ZFYVE9: variants seen among roughly 807,000 people sequenced by gnomAD.
The protein encoded by ZFYVE9 is zinc finger FYVE-type containing 9.
In ZFYVE9, 43 loss-of-function variants were observed where a neutral mutation model predicts 126.7. That is an observed-to-expected ratio of 0.34 (90% CI 0.27 to 0.44). The LOEUF (loss-of-function observed/expected upper bound fraction) is 0.44, where lower values mean the gene tolerates loss of function less well. Ranked by LOEUF, ZFYVE9 falls within the 20% of genes least tolerant of loss-of-function variation. The pLI is 1.00. For synonymous variants in ZFYVE9, 521 were observed against 597.4 expected (o/e 0.87, Z 1.87); for missense variants, 1,476 against 1,697.0 (o/e 0.87, Z 2.29).
chr1:52,208,591 C>T (rs1243292413), intron 1 of ZFYVE9, among the ~76,000 whole-genome samples: 1 of 151,498 alleles, frequency 6.6e-6, no homozygotes. Flanking sequence ...GATCTCAGCC[C>T]GGCGCAATCT....
chr1:52,323,028 TCTC>T (rs1432459769), intron 13 of ZFYVE9, among the ~76,000 whole-genome samples: 1 of 151,558 alleles, frequency 6.6e-6, no homozygotes, highest in East Asian at 2.0e-4. Flanking sequence ...ATGGTCTTGA[TCTC>T]CTGACCTCGT....
intron 1 of ZFYVE9, among the ~76,000 whole-genome samples, chr1:52,179,161 A>T (rs561586183): frequency 6.8e-4 from 104 of 152,246 alleles, no homozygotes; most frequent in African/African-American, 2.3e-3. Flanking sequence ...AGTGGTTCTT[A>T]GATGTCTGGG....
chr1:52,211,006 G>A (rs1645023862), intron 1 of ZFYVE9, among the ~76,000 whole-genome samples: 1 of 152,110 alleles, frequency 6.6e-6, no homozygotes. Flanking sequence ...CAGTGGCTGG[G>A]CTAGAGTCAT....
intron 14 of ZFYVE9, 69 bp downstream of exon 14, chr1:52,332,987 C>A (rs1462779598): frequency 3.2e-6 from 5 of 1,577,630 alleles, no homozygotes; most frequent in African/African-American, 1.4e-5. Context: ...TTAGATACCT[C>A]AGTCCCGTAA....
At chr1:52,188,229 G>GA (rs138726897) in intron 1 of ZFYVE9, among the ~76,000 whole-genome samples, 137,693 of 152,152 alleles carry the variant, frequency 0.9, 62,333 homozygotes, top group East Asian at 1. Flanking sequence ...TGCAGGAACA[G>GA]AAACCGTATA....
intron 10 of ZFYVE9, among the ~76,000 whole-genome samples, chr1:52,283,624 T>C (rs184892010): frequency 3.9e-5 from 6 of 152,342 alleles, no homozygotes; most frequent in Admixed American, 1.3e-4. Flanking sequence ...TATTGGATGA[T>C]TCCATTTATA....
At chr1:52,317,642 A>G (rs193045742) in intron 13 of ZFYVE9, among the ~76,000 whole-genome samples, 1 of 152,336 alleles carries the variant, frequency 6.6e-6, no homozygotes, top group East Asian at 1.9e-4. Context: ...AAAGAAAATT[A>G]ATGAAACCAA....
At chr1:52,253,927 C>T (rs893363447) in intron 4 of ZFYVE9, 2 of 970,982 alleles carry the variant, frequency 2.1e-6, no homozygotes, top group Non-Finnish European at 3.4e-6. Context: ...AAATAATTTT[C>T]ACAACCTTCA....
intron 13 of ZFYVE9, among the ~76,000 whole-genome samples, chr1:52,320,469 G>A (rs1646229145): frequency 6.6e-6 from 1 of 152,196 alleles, no homozygotes; most frequent in Non-Finnish European, 1.5e-5. Context: ...TCAAAACATA[G>A]ATGCTTACAG....
intron 1 of ZFYVE9, among the ~76,000 whole-genome samples, chr1:52,199,410 G>A (rs1030246845): frequency 1.3e-5 from 2 of 152,170 alleles, no homozygotes; most frequent in African/African-American, 2.4e-5. Flanking sequence ...TTTCCAGAAC[G>A]TCACATACTT....
At chr1:52,185,601 G>T (rs1336545454) in intron 1 of ZFYVE9, among the ~76,000 whole-genome samples, 1 of 152,124 alleles carries the variant, frequency 6.6e-6, no homozygotes, top group African/African-American at 2.4e-5. Flanking sequence ...TAAATCCTTT[G>T]TTAAAAATAA....
chr1:52,331,023 C>T (rs1252835767), intron 13 of ZFYVE9, among the ~76,000 whole-genome samples: 1 of 152,064 alleles, frequency 6.6e-6, no homozygotes, highest in Admixed American at 6.6e-5. Context: ...CCCGCCACCA[C>T]ACCCAGCTCA....
At position 52,227,786 on chromosome 1, in the gene ZFYVE9, T is replaced by C. The variant is rs573817073; in HGVS notation, c.-36-5385T>C. On this transcript the variant is annotated intron_variant, in intron 2 of 18. Coordinates refer to ENST00000287727, the MANE Select transcript of ZFYVE9 (RefSeq NM_004799.4). ...GGCACTCTATTCCATCCTGCTCCAT[T>C]GCTGAGTCTTGGGACCATGGAGGGG... is the stretch of plus-strand genomic sequence containing the variant. Among the ~76,000 whole-genome samples the C allele has an allele frequency of 3.9e-5, 6 of 152,332 alleles. No individual in the cohort carries two copies. In the South Asian group the frequency reaches 1.2e-3, roughly 32 times the overall value.
intron 9 of ZFYVE9, among the ~76,000 whole-genome samples, chr1:52,281,223 C>T (rs1645800661): frequency 6.6e-6 from 1 of 151,288 alleles, no homozygotes; most frequent in Admixed American, 6.6e-5. Context: ...AGCTCCACCT[C>T]CCGGGTTCAC....
chr1:52,190,291 T>G (rs1426538868), intron 1 of ZFYVE9: 2 of 152,286 alleles, frequency 1.3e-5, no homozygotes, highest in African/African-American at 4.8e-5. Flanking sequence ...ATAGCCTGAT[T>G]GCTGAGAATT....
At position 52,238,862 on chromosome 1, in the gene ZFYVE9, G is replaced by T. The variant is rs1645304421; in HGVS notation, c.1445G>T (p.Gly482Val). The part of the protein sequence containing the change: ...NYLSNGCDSY[G>V]MQDPGVSFVP... ...CTATCTAATGGTTGTGATTCCTATG[G>T]AATGCAAGACCCAGGTGTTTCTTTT... Residue 482 changes from glycine to valine, a missense_variant, in exon 4 of 19, where the codon GGA (glycine) becomes GTA (valine). Physicochemically the swap from Gly to Val is moderately radical, Grantham distance 109. Coordinates refer to ENST00000287727, the MANE Select transcript of ZFYVE9 (RefSeq NM_004799.4). 2 of 1,614,058 alleles carry T rather than the reference G, an allele frequency of 1.2e-6. No homozygotes were observed. The highest frequency in any genetic ancestry group is 1.7e-6 in the Non-Finnish European group (2 of 1,179,980).
chr1:52,340,051 C>A, intron 16 of ZFYVE9, 75 bp from the exon 17 acceptor site: 2 of 1,215,524 alleles, frequency 1.6e-6, no homozygotes, highest in Non-Finnish European at 2.4e-6. Context: ...AAGACTTCTG[C>A]AGCAAAACGT....
At chr1:52,317,236 A>AC (rs1646193638) in intron 13 of ZFYVE9, among the ~76,000 whole-genome samples, 2 of 152,146 alleles carry the variant, frequency 1.3e-5, no homozygotes, top group Admixed American at 1.3e-4. Flanking sequence ...TTAGAAAAAA[A>AC]GGCCAGGTGC....
At chr1:52,265,529 CT>C (rs964190401) in intron 5 of ZFYVE9, among the ~76,000 whole-genome samples, 4 of 152,154 alleles carry the variant, frequency 2.6e-5, no homozygotes, top group African/African-American at 9.7e-5. Flanking sequence ...ATCCTATTTG[CT>C]TTAAAGGCGA....
Sources: gnomAD v4.1 joint callset for allele counts (sites outside exome capture counted in the v4.1 genomes callset) on GRCh38, gnomAD v4.1.1 for gene constraint, MANE v1.5 for transcripts, NCBI Gene and HGNC (gene_info 2026-07-23, HGNC 2026-07-21) for gene names.